The following HIVEP3 variants were observed in gnomAD, a reference collection of about 807,000 sequenced individuals.
HIVEP3 encodes the protein transcription factor HIVEP3.
HIVEP3 carries 49 observed loss-of-function variants against 152.8 expected under a neutral mutation model. The ratio of observed to expected loss-of-function variants is 0.32; its 90% CI spans 0.26 to 0.41. HIVEP3 has a LOEUF of 0.41. Among genes scored for constraint, HIVEP3 ranks in the 10% least tolerant of loss-of-function variants. The pLI is 1.00. For missense variants in HIVEP3, 2,790 were observed against 3,103.3 expected (o/e 0.90, Z 2.40); for synonymous variants, 1,269 against 1,289.0 (o/e 0.98, Z 0.33).
intron 1 of HIVEP3, among the ~76,000 whole-genome samples, chr1:41,765,943 C>A (rs1292239249): frequency 1.3e-5 from 2 of 152,228 alleles, no homozygotes; most frequent in Admixed American, 1.3e-4. Context: ...AGCTGTCTCT[C>A]TGAGCCTGCC....
chr1:41,659,121 G>C (rs562026211), intron 2 of HIVEP3, among the ~76,000 whole-genome samples: 22 of 152,336 alleles, frequency 1.4e-4, no homozygotes, highest in African/African-American at 4.8e-4. Context: ...GCAGCGAACT[G>C]CAAGTATGGC....
At chr1:41,769,124 T>C (rs1453951445) in intron 1 of HIVEP3, among the ~76,000 whole-genome samples, 1 of 152,236 alleles carries the variant, frequency 6.6e-6, no homozygotes, top group East Asian at 1.9e-4. Context: ...TTCCCTTTTG[T>C]AGCAAGAATC....
In HIVEP3 at chr1:41,796,964, A is replaced by G. The variant is rs117463780; in HGVS notation, c.-800-95969T>C. On this transcript the variant is annotated intron_variant, in intron 1 of 8. Coordinates refer to ENST00000372583, the MANE Select transcript of HIVEP3 (RefSeq NM_024503.5). ...TCTCTCCTGCTGATCCAGAAGCTAC[A>G]TTGTGAAACTGGTGGAAAAAGTCTT... is the stretch of plus-strand genomic sequence containing the variant. Among the ~76,000 whole-genome samples, 124 of 152,280 alleles carry G rather than the reference A, an allele frequency of 8.1e-4. 2 individuals are homozygous for G. The East Asian group carries it at 0.021, about 26-fold the overall frequency.
intron 1 of HIVEP3, among the ~76,000 whole-genome samples, chr1:41,791,709 T>G (rs1170962798): frequency 1.3e-5 from 2 of 152,176 alleles, no homozygotes; most frequent in Non-Finnish European, 2.9e-5. Flanking sequence ...TTTAAGCCAC[T>G]GTTATTTTAG....
chr1:41,929,868 A>G (rs1236490929), intron 1 of HIVEP3, among the ~76,000 whole-genome samples: 1 of 151,298 alleles, frequency 6.6e-6, no homozygotes, highest in African/African-American at 2.4e-5. Flanking sequence ...CCTGCGTCTT[A>G]TTATCAATAA....
intron 1 of HIVEP3, among the ~76,000 whole-genome samples, chr1:41,788,198 C>T (rs1043617987): frequency 3.3e-5 from 5 of 152,138 alleles, no homozygotes; most frequent in African/African-American, 4.8e-5. Flanking sequence ...AGGAGCGCAG[C>T]GTCTCCCAGC....
chr1:41,872,349 A>T (rs1644097034), intron 1 of HIVEP3, among the ~76,000 whole-genome samples: 1 of 152,152 alleles, frequency 6.6e-6, no homozygotes, highest in African/African-American at 2.4e-5. Context: ...TTGAACACTT[A>T]GCAGTTTATA....
At chr1:41,607,169 A>G (rs1247609197) in intron 3 of HIVEP3, among the ~76,000 whole-genome samples, 2 of 151,970 alleles carry the variant, frequency 1.3e-5, no homozygotes, top group Non-Finnish European at 1.5e-5. Context: ...TATATCTTTC[A>G]CTATTTCTAC....
At chr1:41,769,905 A>G (rs1648239746) in intron 1 of HIVEP3, among the ~76,000 whole-genome samples, 1 of 152,256 alleles carries the variant, frequency 6.6e-6, no homozygotes, top group Non-Finnish European at 1.5e-5. Flanking sequence ...CACTCTTAGA[A>G]TACCACAGTA....
intron 5 of HIVEP3, among the ~76,000 whole-genome samples, chr1:41,574,707 G>A (rs995446468): frequency 2.0e-5 from 3 of 152,164 alleles, no homozygotes; most frequent in Non-Finnish European, 1.5e-5. Flanking sequence ...TTTCCTCTAC[G>A]TTGTTGTCCT....
intron 1 of HIVEP3, among the ~76,000 whole-genome samples, chr1:41,819,963 T>C (rs949727202): frequency 5.3e-5 from 8 of 152,284 alleles, no homozygotes; most frequent in African/African-American, 1.9e-4. Flanking sequence ...AACCTGCCAT[T>C]GTAAAGCAAA....
rs1644470526 is a variant in HIVEP3 at position 41,584,363 on chromosome 1, A to G, written c.435T>C (p.Leu145=). The G allele has an allele frequency of 6.2e-7, 1 of 1,613,622 alleles. No individual in the cohort carries two copies. The highest frequency in any genetic ancestry group is 1.3e-5 in the African/African-American group (1 of 74,878). Reference sequence around the variant, plus strand: ...GGGGAATGATGGAAGCGTGGGAAGGAAGGAGCTGGCTCTGAGGATGGAGCC... The same window carrying G: ...GGGGAATGATGGAAGCGTGGGAAGGGAGGAGCTGGCTCTGAGGATGGAGCC... ...APGLHPQSQL[L]PSHASIIPPE... is the part of the protein sequence containing the mutation. Residue 145 remains leucine, a synonymous_variant, in exon 4 of 9, where the codon CTT becomes CTC. Transcript: ENST00000372583. The surrounding 1 kb of genome is among the most constrained non-coding windows in gnomAD (Gnocchi z 5.2).
At chr1:41,569,298 A>T (rs927899451) in intron 5 of HIVEP3, among the ~76,000 whole-genome samples, 13 of 152,156 alleles carry the variant, frequency 8.5e-5, no homozygotes, top group African/African-American at 3.1e-4. Context: ...TAATGGGCAC[A>T]GTTTGTCTAC....
intron 1 of HIVEP3, among the ~76,000 whole-genome samples, chr1:41,946,034 A>G (rs966270315): frequency 2.0e-5 from 3 of 152,194 alleles, no homozygotes. Flanking sequence ...ACGGGATTAA[A>G]AAAAGGCCAC....
At chr1:41,597,217 G>C (rs1644680518) in intron 3 of HIVEP3, among the ~76,000 whole-genome samples, 1 of 152,148 alleles carries the variant, frequency 6.6e-6, no homozygotes, top group South Asian at 2.1e-4. Flanking sequence ...CTTCCTGTTA[G>C]AGAGCTCAGG....
chr1:41,566,172 TG>T (rs1280290840), intron 5 of HIVEP3, among the ~76,000 whole-genome samples: 6 of 152,314 alleles, frequency 3.9e-5, no homozygotes, highest in South Asian at 4.1e-4. Context: ...AGTGATTTTC[TG>T]GGTACAGAAA....
At chr1:41,673,898 T>A (rs2124075776) in intron 2 of HIVEP3, among the ~76,000 whole-genome samples, 1 of 151,842 alleles carries the variant, frequency 6.6e-6, no homozygotes, top group South Asian at 2.1e-4. Context: ...GTGCCAGGAG[T>A]GTGGGACCTC....
chr1:41,508,427 G>C lies in HIVEP3; in HGVS notation c.*2024C>G, dbSNP rs1033110888. The stretch of plus-strand genomic sequence containing the variant: ...GGACAGTGTGGTCCAGGCTGGGCTT[G>C]CTGCTTCTCTTGGGGAGGATGAGAG... On this transcript the variant is annotated 3_prime_UTR_variant, in exon 9 of 9. Transcript: ENST00000372583. The C allele has an allele frequency of 1.3e-5, 2 of 152,284 alleles. No homozygotes were observed. The highest frequency in any genetic ancestry group is 6.5e-5 in the Admixed American group (1 of 15,286). 9.4% of individuals were successfully genotyped at this position (152,284 alleles called of 1,614,324 possible).
At chr1:41,936,950 C>T (rs184582161) in intron 1 of HIVEP3, among the ~76,000 whole-genome samples, 1 of 152,242 alleles carries the variant, frequency 6.6e-6, no homozygotes, top group East Asian at 1.9e-4. Context: ...TTGGTCCTAA[C>T]CTTTTTACAA....
Sources: gnomAD v4.1 joint callset for allele counts (sites outside exome capture counted in the v4.1 genomes callset) on GRCh38, gnomAD v4.1.1 for gene constraint, Gnocchi (gnomAD v3.1) non-coding constraint, MANE v1.5 for transcripts, NCBI Gene and HGNC (gene_info 2026-07-23, HGNC 2026-07-21) for gene names.